PCDH11Y: variants seen among roughly 807,000 people sequenced by gnomAD.
The protein encoded by PCDH11Y is protocadherin-11 Y-linked.
For missense variants in PCDH11Y, 12 were observed against 224.8 expected (o/e 0.05, Z 6.05); for synonymous variants, 9 against 83.6 (o/e 0.11, Z 4.87).
chrY:5,027,250 G>T, intron 1 of PCDH11Y, among the ~76,000 whole-genome samples: 1 of 31,234 alleles, frequency 3.2e-5, no homozygotes, highest in Admixed American at 3.0e-4. Flanking sequence ...ATCCTGGGTG[G>T]CAGAGTGAGA....
intron 1 of PCDH11Y, among the ~76,000 whole-genome samples, chrY:5,016,372 A>T: frequency 3.2e-5 from 1 of 31,745 alleles, no homozygotes; most frequent in East Asian, 8.3e-4. Flanking sequence ...CACATCTTTC[A>T]CCACAGTAAA....
intron 4 of PCDH11Y, among the ~76,000 whole-genome samples, chrY:5,677,796 A>C: frequency 3.0e-5 from 1 of 32,871 alleles, no homozygotes; most frequent in Admixed American, 2.8e-4. Flanking sequence ...AGGACTAAGG[A>C]GATAAGATCA....
At chrY:5,651,334 G>C (rs2124706159) in intron 4 of PCDH11Y, among the ~76,000 whole-genome samples, 1 of 33,347 alleles carries the variant, frequency 3.0e-5, no homozygotes, top group South Asian at 6.7e-4. Context: ...TTTAGCTGAT[G>C]TATAAAGTTT....
chrY:5,266,065 C>T, intron 2 of PCDH11Y, among the ~76,000 whole-genome samples: 1 of 31,642 alleles, frequency 3.2e-5, no homozygotes, highest in Non-Finnish European at 7.7e-5. Context: ...TATGCTTCTT[C>T]CTAAATTTTC....
chrY:5,162,065 A>G (rs2052875065), intron 2 of PCDH11Y, among the ~76,000 whole-genome samples: 1 of 33,181 alleles, frequency 3.0e-5, no homozygotes, highest in Non-Finnish European at 7.5e-5. Context: ...AATACCCTGG[A>G]GATCAGCACA....
At chrY:5,322,583 G>A in intron 2 of PCDH11Y, among the ~76,000 whole-genome samples, 1 of 32,106 alleles carries the variant, frequency 3.1e-5, no homozygotes, top group Non-Finnish European at 7.6e-5. Flanking sequence ...CAAGAATGTG[G>A]AACCCGTGGA....
At chrY:5,142,562 T>G in intron 2 of PCDH11Y, among the ~76,000 whole-genome samples, 1 of 33,359 alleles carries the variant, frequency 3.0e-5, no homozygotes, top group South Asian at 6.6e-4. Context: ...AACACATTAC[T>G]ATTCAATTCA....
chrY:5,086,588 G>T (rs2052731088), intron 1 of PCDH11Y, among the ~76,000 whole-genome samples: 1 of 31,045 alleles, frequency 3.2e-5, no homozygotes, highest in Non-Finnish European at 7.7e-5. Context: ...ATTTGAAAGG[G>T]CTTTGGTATT....
At chrY:5,515,163 G>A (rs2053370608) in intron 3 of PCDH11Y, among the ~76,000 whole-genome samples, 1 of 33,525 alleles carries the variant, frequency 3.0e-5, no homozygotes, top group Non-Finnish European at 7.4e-5. Flanking sequence ...TTGGATCTAC[G>A]TTTTTACTTT....
chrY:5,462,103 G>T, intron 2 of PCDH11Y, among the ~76,000 whole-genome samples: 2 of 33,069 alleles, frequency 6.0e-5, no homozygotes, highest in Non-Finnish European at 1.5e-4. Flanking sequence ...AATTCAAAAA[G>T]AAAACAAGGG....
chrY:5,728,892 G>C, intron 4 of PCDH11Y, among the ~76,000 whole-genome samples: 1 of 32,898 alleles, frequency 3.0e-5, no homozygotes, highest in Non-Finnish European at 7.5e-5. Context: ...TTCTGTTGCT[G>C]TGTTAATTTG....
intron 2 of PCDH11Y, among the ~76,000 whole-genome samples, chrY:5,288,880 G>A: frequency 3.2e-5 from 1 of 31,087 alleles, no homozygotes; most frequent in Non-Finnish European, 7.7e-5. Context: ...TGGCAGCAGT[G>A]ATGGCCTCAT....
chrY:5,502,729 G>A, intron 3 of PCDH11Y, among the ~76,000 whole-genome samples: 1 of 33,247 alleles, frequency 3.0e-5, no homozygotes, highest in Non-Finnish European at 7.5e-5. Flanking sequence ...TGTTTTAGTT[G>A]TAGGTCTATC....
intron 2 of PCDH11Y, among the ~76,000 whole-genome samples, chrY:5,322,952 T>A (rs2053114712): frequency 4.6e-4 from 15 of 32,952 alleles, no homozygotes; most frequent in Non-Finnish European, 7.4e-4. Context: ...CATTTCTATT[T>A]TGTTTTAATT....
At chrY:5,450,063 G>A in intron 2 of PCDH11Y, among the ~76,000 whole-genome samples, 2 of 32,541 alleles carry the variant, frequency 6.1e-5, no homozygotes, top group Non-Finnish European at 1.5e-4. Context: ...CTTTTATGCC[G>A]TTGGTGGTCA....
intron 2 of PCDH11Y, among the ~76,000 whole-genome samples, chrY:5,186,015 A>G (rs2052905772): frequency 3.4e-5 from 1 of 29,494 alleles, no homozygotes; most frequent in Non-Finnish European, 8.1e-5. Context: ...ATCATACTCC[A>G]GTGAAAAGCT....
downstream of PCDH11Y, among the ~76,000 whole-genome samples, chrY:5,107,931 C>T (rs1480367396): frequency 3.2e-5 from 1 of 30,995 alleles, no homozygotes; most frequent in Non-Finnish European, 7.8e-5. Context: ...TGGTGGCGGG[C>T]GCCTGTAGTC....
intron 2 of PCDH11Y, among the ~76,000 whole-genome samples, chrY:5,203,853 G>C: frequency 1.3e-4 from 4 of 31,735 alleles, no homozygotes; most frequent in African/African-American, 3.7e-4. Context: ...AGAATATTAA[G>C]GCAACTTAAT....
At chrY:5,168,690 A>T in intron 2 of PCDH11Y, among the ~76,000 whole-genome samples, 1 of 22,853 alleles carries the variant, frequency 4.4e-5, no homozygotes, top group African/African-American at 1.7e-4. Context: ...TAATCTCTGG[A>T]GGTTTAGATT....
Sources: gnomAD v4.1 joint callset for allele counts (sites outside exome capture counted in the v4.1 genomes callset) on GRCh38, gnomAD v4.1.1 for gene constraint, MANE v1.5 for transcripts, NCBI Gene and HGNC (gene_info 2026-07-23, HGNC 2026-07-21) for gene names.